NSMCE2: variants seen among roughly 807,000 people sequenced by gnomAD.
The protein encoded by NSMCE2 is E3 SUMO-protein ligase NSE2.
In NSMCE2, 24 loss-of-function variants were observed where a neutral mutation model predicts 23.8. The observed-to-expected ratio is 1.01, with a 90% confidence interval of 0.73 to 1.42. The LOEUF (loss-of-function observed/expected upper bound fraction) is 1.42. Among genes scored for constraint, NSMCE2 ranks in the 40% most tolerant of loss-of-function variants. NSMCE2 has a pLI of 0.00. For missense variants in NSMCE2, 284 were observed against 296.5 expected, an observed-to-expected ratio of 0.96 and a Z score of 0.31; for synonymous variants, 92 against 94.1, an observed-to-expected ratio of 0.98 and a Z score of 0.13.
At chr8:125,185,838 A>G (rs568613281) in intron 5 of NSMCE2, among the ~76,000 whole-genome samples, 2 of 152,334 alleles carry the variant, frequency 1.3e-5, no homozygotes, top group East Asian at 3.9e-4. Flanking sequence ...ATTTTTGTCA[A>G]TCTCTTCAAT....
intron 5 of NSMCE2, among the ~76,000 whole-genome samples, chr8:125,210,979 T>G (rs1824314451): frequency 6.6e-6 from 1 of 152,126 alleles, no homozygotes; most frequent in Admixed American, 6.5e-5. Flanking sequence ...GTGATTCACC[T>G]GCCTTGGCCT....
chr8:125,161,807 A>AG, intron 4 of NSMCE2, among the ~76,000 whole-genome samples: 1 of 151,646 alleles, frequency 6.6e-6, no homozygotes, highest in African/African-American at 2.4e-5. Context: ...AAAAAAAAAA[A>AG]TCGGAAACGG....
At chr8:125,131,967 T>C (rs1056190970) in intron 3 of NSMCE2, among the ~76,000 whole-genome samples, 3 of 152,224 alleles carry the variant, frequency 2.0e-5, no homozygotes, top group African/African-American at 7.2e-5. Context: ...GTTAACAACA[T>C]TGTAAAAGCT....
intron 3 of NSMCE2, among the ~76,000 whole-genome samples, chr8:125,149,556 A>G (rs112766341): frequency 0.019 from 2,944 of 152,196 alleles, 85 homozygotes; most frequent in African/African-American, 0.068. Flanking sequence ...TGAAATTTTT[A>G]TGTTCCTGTG....
intron 5 of NSMCE2, among the ~76,000 whole-genome samples, chr8:125,295,089 G>A (rs1459546541): frequency 1.3e-5 from 2 of 152,146 alleles, no homozygotes; most frequent in African/African-American, 4.8e-5. Flanking sequence ...GATGACATAG[G>A]GTTTTGGCTG....
chr8:125,317,091 G>T (rs570717359), intron 5 of NSMCE2, among the ~76,000 whole-genome samples: 1 of 150,490 alleles, frequency 6.6e-6, no homozygotes, highest in South Asian at 2.1e-4. Flanking sequence ...CTGGCCTATT[G>T]TTTCTGATTT....
intron 5 of NSMCE2, among the ~76,000 whole-genome samples, chr8:125,201,520 A>G (rs1274736311): frequency 6.6e-6 from 1 of 152,304 alleles, no homozygotes; most frequent in Non-Finnish European, 1.5e-5. Context: ...AATCACAAAT[A>G]TTGCAGAACA....
At chr8:125,180,899 C>T (rs1163211036) in intron 4 of NSMCE2, among the ~76,000 whole-genome samples, 1 of 152,098 alleles carries the variant, frequency 6.6e-6, no homozygotes, top group Admixed American at 6.6e-5. Flanking sequence ...GTGTGCTGGG[C>T]ACTGGTAATA....
chr8:125,141,341 C>T (rs1205244880), intron 3 of NSMCE2, among the ~76,000 whole-genome samples: 1 of 152,140 alleles, frequency 6.6e-6, no homozygotes, highest in African/African-American at 2.4e-5. Context: ...ATTCATTACT[C>T]CCTGACTTTT....
chr8:125,154,092 C>T (rs1294424430), intron 4 of NSMCE2, among the ~76,000 whole-genome samples: 1 of 152,152 alleles, frequency 6.6e-6, no homozygotes, highest in African/African-American at 2.4e-5. Flanking sequence ...ATTTAACCCA[C>T]TGCTCTGTCA....
At chr8:125,231,937 GAATA>G (rs1406784297) in intron 5 of NSMCE2, among the ~76,000 whole-genome samples, 12 of 152,122 alleles carry the variant, frequency 7.9e-5, no homozygotes, top group Non-Finnish European at 7.4e-5. Flanking sequence ...CTGGCATACT[GAATA>G]AATAAATTAA....
At chr8:125,299,035 G>A (rs1192890722) in intron 5 of NSMCE2, among the ~76,000 whole-genome samples, 1 of 152,184 alleles carries the variant, frequency 6.6e-6, no homozygotes, top group Non-Finnish European at 1.5e-5. Flanking sequence ...AATAGTTGAT[G>A]CTAGTAAAAA....
intron 5 of NSMCE2, among the ~76,000 whole-genome samples, chr8:125,243,940 C>G (rs1303055028): frequency 3.3e-5 from 5 of 152,010 alleles, no homozygotes; most frequent in Non-Finnish European, 5.9e-5. Context: ...CTGTATAAAT[C>G]CCCCAAAAAG....
chr8:125,291,959 A>T lies in NSMCE2; in HGVS notation c.419-65260A>T, dbSNP rs576734159. ...TTATTCAGGGACCCAGGCTCTTTCC[A>T]TCTTGTGGTTCTGTCCTCCCGCACT... On this transcript the variant is annotated intron_variant, in intron 5 of 7. Coordinates refer to ENST00000287437, the MANE Select transcript of NSMCE2 (RefSeq NM_173685.4). Among the ~76,000 whole-genome samples, 21 of 152,184 alleles carry T rather than the reference A, an allele frequency of 1.4e-4. No individual in the cohort carries two copies. The South Asian group carries it at 1.5e-3, about 11-fold the overall frequency.
At chr8:125,147,200 G>C (rs1220600751) in intron 3 of NSMCE2, among the ~76,000 whole-genome samples, 6 of 152,096 alleles carry the variant, frequency 3.9e-5, no homozygotes, top group Non-Finnish European at 8.8e-5. Context: ...TTTTCCTATA[G>C]AAAAGTCACA....
chr8:125,309,248 CAA>C (rs111355815), intron 5 of NSMCE2, among the ~76,000 whole-genome samples: 35 of 65,534 alleles, frequency 5.3e-4, no homozygotes, highest in Admixed American at 9.7e-4. Context: ...AACTCTGTCT[CAA>C]AAAAAAAAAA....
intron 5 of NSMCE2, among the ~76,000 whole-genome samples, chr8:125,308,112 G>A (rs1345343196): frequency 1.3e-5 from 2 of 151,942 alleles, no homozygotes; most frequent in Non-Finnish European, 2.9e-5. Flanking sequence ...ACTCCTGTTT[G>A]TTTCCTAGTC....
At chr8:125,311,285 C>G (rs145360508) in intron 5 of NSMCE2, among the ~76,000 whole-genome samples, 123 of 152,298 alleles carry the variant, frequency 8.1e-4, no homozygotes, top group South Asian at 1.2e-3. Context: ...CCAAAGAATT[C>G]CCTTTCACTC....
At chr8:125,252,482 C>T (rs1317054354) in intron 5 of NSMCE2, among the ~76,000 whole-genome samples, 1 of 152,200 alleles carries the variant, frequency 6.6e-6, no homozygotes, top group South Asian at 2.1e-4. Context: ...GCTGAGATCC[C>T]GCCACTGCAC....
Sources: allele counts gnomAD v4.1 joint callset (sites outside exome capture counted in the v4.1 genomes callset), GRCh38; gene constraint gnomAD v4.1.1; transcripts MANE v1.5; gene names NCBI Gene and HGNC (gene_info 2026-07-23, HGNC 2026-07-21).